MST1R: variants seen among roughly 807,000 people sequenced by gnomAD.
MST1R encodes macrophage stimulating 1 receptor, also known as macrophage-stimulating protein receptor.
In MST1R, 99 loss-of-function variants were observed where a neutral mutation model predicts 117.8. The observed-to-expected ratio is 0.84, with a 90% confidence interval of 0.71 to 0.99. MST1R has a LOEUF of 0.99. Among genes scored for constraint, MST1R ranks in the 50% least tolerant of loss-of-function variants. The pLI is 0.00. For missense variants in MST1R, 1,683 were observed against 1,840.2 expected (o/e 0.91, Z 1.56); for synonymous variants, 734 against 765.3 (o/e 0.96, Z 0.68).
chr3:49,891,625 T>G (rs1420442874), intron 15 of MST1R, 45 bp from the exon 16 acceptor site: 1 of 1,611,786 alleles, frequency 6.2e-7, no homozygotes, highest in African/African-American at 1.3e-5. Context: ...CGTCCCTTTA[T>G]AAGGCTCAGA....
In MST1R at chr3:49,895,496, G is replaced by C; in HGVS notation, c.3015C>G (p.Ala1005=). ...CCGAGTACAGAATAGGCAGGGGTGT[G>C]GCTCCAGCAGTCTGGTCCAGGGATG... is the stretch of plus-strand genomic sequence containing the variant. ...DLASLDQTAG[A]TPLPILYSGS... The change falls in exon 13 of 20, where the codon GCC becomes GCG. Residue 1005 remains alanine (A), a synonymous_variant. Coordinates refer to ENST00000296474, the MANE Select transcript of MST1R (RefSeq NM_002447.4). 2 of 1,614,152 alleles carry C rather than the reference G, an allele frequency of 1.2e-6. No individual in the cohort carries two copies. The highest frequency in any genetic ancestry group is 1.7e-6 in the Non-Finnish European group (2 of 1,180,032).
intron 7 of MST1R, 115 bp downstream of exon 7, chr3:49,897,165 G>T: frequency 7.0e-7 from 1 of 1,428,320 alleles, no homozygotes. Context: ...TCCTGGACCT[G>T]CTCTCCACAC....
intron 16 of MST1R, 34 bp downstream of exon 16, chr3:49,891,365 C>T (rs758046927): frequency 6.2e-7 from 1 of 1,613,496 alleles, no homozygotes; most frequent in South Asian, 1.1e-5. Context: ...CAGCTGCTGC[C>T]CAGCCCCCAA....
At chr3:49,900,554 G>C (rs2082643656) in intron 1 of MST1R, among the ~76,000 whole-genome samples, 1 of 152,120 alleles carries the variant, frequency 6.6e-6, no homozygotes, top group African/African-American at 2.4e-5. Flanking sequence ...GGCAAAAGTA[G>C]ATGTGGAGCT....
At position 49,889,973 on chromosome 3, in the gene MST1R, G is replaced by A; in HGVS notation, c.3898C>T (p.Leu1300=). 1 of 1,614,148 alleles carries A rather than the reference G, an allele frequency of 6.2e-7. No homozygotes were observed. The highest frequency in any genetic ancestry group is 8.5e-7 in the Non-Finnish European group (1 of 1,180,002). ...TGGGGCAGGCGCCGACCCTGGGCCA[G>A]GAAGTGGGTAAGGTCAAAAGGGTCA... is the stretch of plus-strand genomic sequence containing the variant. ...HIDPFDLTHF[L]AQGRRLPQPE... The change falls in exon 19 of 20, where the codon CTG becomes TTG. Residue 1300 remains leucine, a synonymous_variant. Transcript: ENST00000296474.
At chr3:49,890,389 G>T in intron 18 of MST1R, 96 bp downstream of exon 18, 1 of 1,343,130 alleles carries the variant, frequency 7.4e-7, no homozygotes. Context: ...CTACCCTGGG[G>T]ACTCCCTGGG....
chr3:49,895,409 G>A (rs369832680), intron 13 of MST1R, 36 bp from the exon 14 acceptor site: 34 of 1,613,858 alleles, frequency 2.1e-5, no homozygotes, highest in Non-Finnish European at 5.1e-6. Flanking sequence ...TGTAGGGACA[G>A]GGGGTGGCTT....
chr3:49,895,373 G>A lies in MST1R; in HGVS notation c.3065C>T (p.Ala1022Val), dbSNP rs1250752643. 3 of 1,614,218 alleles carry A rather than the reference G, an allele frequency of 1.9e-6. No homozygotes were observed. The highest frequency in any genetic ancestry group is 3.3e-5 in the Admixed American group (2 of 60,016). ...ATCCAGACCATCAATGGCAGGGAGT[G>A]CTGTGGGGAGAGGGAATGAGGAGCT... ...YSGSDYRSGL[A>V]LPAIDGLDST... The change falls in exon 14 of 20, where the codon GCA (alanine) becomes GTA (valine). Residue 1022 changes from alanine (A) to valine (V), a missense_variant and splice_region_variant. Physicochemically the swap from Ala to Val is moderately conservative, Grantham distance 64. Coordinates refer to ENST00000296474, the MANE Select transcript of MST1R (RefSeq NM_002447.4).
At chr3:49,893,605 A>G in intron 14 of MST1R, among the ~76,000 whole-genome samples, 1 of 150,876 alleles carries the variant, frequency 6.6e-6, no homozygotes, top group Non-Finnish European at 1.5e-5. Flanking sequence ...CTCCATCTTG[A>G]AAAAATAAAA....
In MST1R at chr3:49,903,227, G is replaced by T. The variant is rs150064162; in HGVS notation, c.383C>A (p.Ala128Glu). ...TDTKVLVLDPALPALVSCGSS... is the reference protein window; with the variant it reads ...TDTKVLVLDPELPALVSCGSS... ...GCCACAACTGACCAGCGCAGGCAGC[G>T]CGGGATCCAGCACCAGCACCTTTGT... is the stretch of plus-strand genomic sequence containing the variant. The change falls in exon 1 of 20, where the codon GCG (alanine) becomes GAG (glutamate). Residue 128 changes from alanine (A) to glutamate (E), a missense_variant. Physicochemically the swap from Ala to Glu is moderately radical, Grantham distance 107 (BLOSUM62 -1). Transcript: ENST00000296474. 2.5e-6 allele frequency: 4 copies of T among 1,607,288 alleles called. No individual in the cohort carries two copies. The highest frequency in any genetic ancestry group is 8.5e-7 in the Non-Finnish European group (1 of 1,179,988).
In MST1R at chr3:49,898,634, G is replaced by C. The variant is rs201544530; in HGVS notation, c.1603C>G (p.Arg535Gly). ...PGCRHFLTCG[R>G]CLRAWHFMGC... ...ATGAAATGCCATGCCCTTAGGCAAC[G>C]CCCACAGGTCAGGAAGTGGCGGCAG... The change falls in exon 4 of 20, where the codon CGT (arginine) becomes GGT (glycine). Residue 535 changes from arginine (R) to glycine (G), a missense_variant. Transcript: ENST00000296474. 119 of 1,614,074 alleles carry C rather than the reference G, an allele frequency of 7.4e-5. No individual in the cohort carries two copies. Among genetic ancestry groups the C allele is most frequent in the Non-Finnish European group, 2.0e-5 (24 of 1,180,048 alleles).
In MST1R at chr3:49,898,083, G is replaced by A. The variant is rs1466365948; in HGVS notation, c.1848C>T (p.Cys616=). 6.2e-7 allele frequency: 1 copy of A among 1,614,116 alleles called. No individual in the cohort carries two copies. Among genetic ancestry groups the A allele is most frequent in the Non-Finnish European group, 8.5e-7 (1 of 1,180,038 alleles). The change falls in exon 5 of 20, where the codon TGC becomes TGT. Residue 616 remains cysteine (C), a synonymous_variant. Coordinates refer to ENST00000296474, the MANE Select transcript of MST1R (RefSeq NM_002447.4). ...TTGAGCTGTCCTTGGGCAGTGGCCGGCAGGGACTTTGGCCCACAGTGACCT... is the reference window on the plus strand; with the variant it reads ...TTGAGCTGTCCTTGGGCAGTGGCCGACAGGGACTTTGGCCCACAGTGACCT... ...THQVTVGQSP[C]RPLPKDSSKL...
Position 49,894,169 on chromosome 3 carries a change from C to T in MST1R, c.3271+998G>A, listed in dbSNP as rs186137270. The stretch of plus-strand genomic sequence containing the variant: ...GGAGGAGGTTGCAATGAGCCGAGAT[C>T]GCGCCATTGCACTCCAGCCTGGGCA... On this transcript the variant is annotated intron_variant, in intron 14 of 19. Coordinates refer to ENST00000296474, the MANE Select transcript of MST1R (RefSeq NM_002447.4). 7.9e-5 allele frequency among the ~76,000 whole-genome samples: 12 copies of T among 151,118 alleles called. No individual in the cohort carries two copies. The East Asian group carries it at 2.3e-3, about 29-fold the overall frequency.
chr3:49,895,500 C>T lies in MST1R; in HGVS notation c.3011G>A (p.Gly1004Glu). Residue 1004 changes from glycine (G) to glutamate (E), a missense_variant, in exon 13 of 20, where the codon GGA becomes GAA. Physicochemically the swap from Gly to Glu is moderately conservative, Grantham distance 98 (BLOSUM62 -2). Transcript: ENST00000296474. ...NDLASLDQTA[G>E]ATPLPILYSG... ...GTACAGAATAGGCAGGGGTGTGGCT[C>T]CAGCAGTCTGGTCCAGGGATGCCAG... 1 of 1,614,122 alleles carries T rather than the reference C, an allele frequency of 6.2e-7. No individual in the cohort carries two copies. Among genetic ancestry groups the T allele is most frequent in the Non-Finnish European group, 8.5e-7 (1 of 1,180,014 alleles).
intron 17 of MST1R, among the ~76,000 whole-genome samples, chr3:49,890,966 T>A (rs557933669): frequency 1.3e-5 from 2 of 152,170 alleles, no homozygotes; most frequent in Admixed American, 6.5e-5. Context: ...GACCTCATGA[T>A]CCGCCTTCCT....
In MST1R at chr3:49,896,316, C is replaced by G; in HGVS notation, c.2528G>C (p.Ser843Thr). 2 of 1,614,164 alleles carry G rather than the reference C, an allele frequency of 1.2e-6. No individual in the cohort carries two copies. Among genetic ancestry groups the G allele is most frequent in the Non-Finnish European group, 1.7e-6 (2 of 1,180,034 alleles). Residue 843 changes from serine to threonine, a missense_variant, in exon 10 of 20, where the codon AGT (serine) becomes ACT (threonine). Coordinates refer to ENST00000296474, the MANE Select transcript of MST1R (RefSeq NM_002447.4). The part of the protein sequence containing the change: ...DPQGWVAGNL[S>T]ARGDGAAGFT... ...GCCAGCAGCTCCATCCCCTCGGGCACTCAGATTCCCTGCCACCCATCCCTG... is the reference window on the plus strand; with the variant it reads ...GCCAGCAGCTCCATCCCCTCGGGCAGTCAGATTCCCTGCCACCCATCCCTG...
At chr3:49,902,286 G>C (rs2082704525) in intron 1 of MST1R, 94 bp downstream of exon 1, 133 of 1,229,770 alleles carry the variant, frequency 1.1e-4, no homozygotes, top group Middle Eastern at 2.1e-4. Flanking sequence ...CCCCCCCACC[G>C]CGCCCCCAGA....
In MST1R at chr3:49,891,544, C is replaced by T. The variant is rs549731289; in HGVS notation, c.3389G>A (p.Arg1130Gln). ...CAGGCCACGCATGAGCAGCCCCTCT[C>T]GCAGGAAGGCCTCCACCTGCTGCAT... ...TEMQQVEAFLREGLLMRGLNH... is the reference protein window; with the variant it reads ...TEMQQVEAFLQEGLLMRGLNH... Residue 1130 changes from arginine (R) to glutamine (Q), a missense_variant, in exon 16 of 20, where the codon CGA becomes CAA. Transcript: ENST00000296474. 7 of 1,613,946 alleles carry T rather than the reference C, an allele frequency of 4.3e-6. No homozygotes were observed. The highest frequency in any genetic ancestry group is 3.3e-5 in the South Asian group (3 of 91,076).
rs1237486360 is a variant in MST1R, at chr3:49,898,607, C to T, written c.1630G>A (p.Gly544Ser). 4 of 1,614,054 alleles carry T rather than the reference C, an allele frequency of 2.5e-6. No homozygotes were observed. The highest frequency in any genetic ancestry group is 3.4e-6 in the Non-Finnish European group (4 of 1,180,054). The change falls in exon 4 of 20, where the codon GGC becomes AGC. Residue 544 changes from glycine to serine, a missense_variant. By Grantham distance (56) the Gly-to-Ser change is moderately conservative. Transcript: ENST00000296474. ...GRCLRAWHFM[G>S]CGWCGNMCGQ... ...CACATGTTCCCACACCAGCCACAGC[C>T]CATGAAATGCCATGCCCTTAGGCAA...
Sources: gnomAD v4.1 joint callset for allele counts (sites outside exome capture counted in the v4.1 genomes callset) on GRCh38, gnomAD v4.1.1 for gene constraint, MANE v1.5 for transcripts, NCBI Gene and HGNC (gene_info 2026-07-23, HGNC 2026-07-21) for gene names.